Variants in VWA8 observed in about 807,000 individuals in gnomAD.
VWA8 encodes the protein von Willebrand factor A domain containing 8.
In VWA8, 221 loss-of-function variants were observed where a neutral mutation model predicts 241.5. That is an observed-to-expected ratio of 0.91 (90% CI 0.82 to 1.02). The LOEUF (loss-of-function observed/expected upper bound fraction) is 1.02, where lower values mean the gene tolerates loss of function less well. VWA8 is among the 50% of genes least tolerant of loss of function. The pLI is 0.00. For missense variants in VWA8, 2,322 were observed against 2,328.7 expected (o/e 1.00, Z 0.06); for synonymous variants, 852 against 827.1 (o/e 1.03, Z -0.52).
intron 16 of VWA8, among the ~76,000 whole-genome samples, chr13:41,812,536 G>A (rs1001662570): frequency 2.0e-5 from 3 of 152,086 alleles, no homozygotes; most frequent in Admixed American, 1.3e-4. Flanking sequence ...GAATGGATGA[G>A]GGGAGAATGT....
chr13:41,626,158 A>T (rs200825807), intron 37 of VWA8, among the ~76,000 whole-genome samples: 686 of 120,432 alleles, frequency 5.7e-3, no homozygotes, highest in South Asian at 0.012. Context: ...GGTGCAGCAC[A>T]CCAACATGGC....
At chr13:41,754,398 G>C (rs112839239) in intron 21 of VWA8, among the ~76,000 whole-genome samples, 3 of 152,154 alleles carry the variant, frequency 2.0e-5, no homozygotes, top group East Asian at 3.8e-4. Flanking sequence ...ACATGGAACT[G>C]TAAGTCCAAT....
At chr13:41,950,096 TAC>T in intron 1 of VWA8, 83 bp from the exon 2 acceptor site, 6 of 764,274 alleles carry the variant, frequency 7.9e-6, no homozygotes, top group Non-Finnish European at 1.2e-5. Context: ...TGTCCTGACC[TAC>T]AGAGAGGGAT....
At chr13:41,693,090 C>A (rs2045191005) in intron 29 of VWA8, 118 bp from the exon 30 acceptor site, 2 of 619,848 alleles carry the variant, frequency 3.2e-6, no homozygotes, top group Non-Finnish European at 5.4e-6. Context: ...AAAACAAAGA[C>A]AATATTGTAA....
intron 26 of VWA8, among the ~76,000 whole-genome samples, chr13:41,709,759 CTG>C (rs2045304433): frequency 1.3e-5 from 2 of 150,080 alleles, no homozygotes; most frequent in Non-Finnish European, 3.0e-5. Flanking sequence ...CTCTGTCTCT[CTG>C]TCTCTCTCTC....
At chr13:41,816,903 G>A in intron 15 of VWA8, 128 bp from the exon 16 acceptor site, 1 of 730,406 alleles carries the variant, frequency 1.4e-6, no homozygotes, top group African/African-American at 1.8e-5. Context: ...TTCATTGTTG[G>A]CTAAATGTTT....
At chr13:41,855,301 T>C (rs1041890018) in intron 12 of VWA8, among the ~76,000 whole-genome samples, 15 of 146,194 alleles carry the variant, frequency 1.0e-4, no homozygotes, top group Non-Finnish European at 2.2e-4. Context: ...ACCACGGGTT[T>C]AAATATATAT....
intron 16 of VWA8, among the ~76,000 whole-genome samples, chr13:41,815,617 C>A (rs1045814988): frequency 6.6e-6 from 1 of 152,224 alleles, no homozygotes; most frequent in African/African-American, 2.4e-5. Flanking sequence ...TCCCCTGGAG[C>A]CTCCGATGGA....
At chr13:41,581,381 T>C (rs1171451563) in intron 42 of VWA8, among the ~76,000 whole-genome samples, 1 of 152,186 alleles carries the variant, frequency 6.6e-6, no homozygotes, top group Non-Finnish European at 1.5e-5. Context: ...GAAATAATAA[T>C]CCAGTACATT....
At chr13:41,891,373 C>T in intron 5 of VWA8, 47 bp downstream of exon 5, 1 of 1,609,600 alleles carries the variant, frequency 6.2e-7, no homozygotes, top group Non-Finnish European at 8.5e-7. Context: ...ATGGCACTGC[C>T]CATAGCTTGA....
chr13:41,776,283 T>C (rs370151077), intron 20 of VWA8, among the ~76,000 whole-genome samples: 2 of 152,216 alleles, frequency 1.3e-5, no homozygotes, highest in African/African-American at 4.8e-5. Context: ...GTTTAACTTA[T>C]AAAGAGTTTG....
intron 2 of VWA8, among the ~76,000 whole-genome samples, chr13:41,930,209 T>G (rs1877039314): frequency 6.6e-6 from 1 of 152,140 alleles, no homozygotes; most frequent in African/African-American, 2.4e-5. Flanking sequence ...GCACGGCTAT[T>G]ATCAAAAAAT....
At position 41,581,114 on chromosome 13, in the gene VWA8, C is replaced by T. The variant is rs1323691483; in HGVS notation, c.5272-5276G>A. 5.5e-5 allele frequency among the ~76,000 whole-genome samples: 7 copies of T among 128,132 alleles called. 2 individuals are homozygous for T. The highest frequency in any genetic ancestry group is 7.7e-5 in the Non-Finnish European group (5 of 65,252). The allele number at this position is 128,132 out of a possible 152,430, so 84.1% of individuals were successfully genotyped here. On this transcript the variant is annotated intron_variant, in intron 42 of 44. Coordinates refer to ENST00000379310, the MANE Select transcript of VWA8 (RefSeq NM_015058.2). Reference sequence around the variant, plus strand: ...CCCTGGAGTTCACGCCATTCTCCTGCCTCAGCCTCCGGAGTAGCTGGGACT... The same window carrying T: ...CCCTGGAGTTCACGCCATTCTCCTGTCTCAGCCTCCGGAGTAGCTGGGACT...
intron 12 of VWA8, among the ~76,000 whole-genome samples, chr13:41,841,507 C>A (rs1871998489): frequency 6.6e-6 from 1 of 151,782 alleles, no homozygotes; most frequent in Non-Finnish European, 1.5e-5. Flanking sequence ...AAACAGTAGG[C>A]CGGGTGCGGT....
intron 2 of VWA8, among the ~76,000 whole-genome samples, chr13:41,919,074 A>T (rs1876391043): frequency 6.6e-6 from 1 of 152,190 alleles, no homozygotes; most frequent in African/African-American, 2.4e-5. Flanking sequence ...AAACAAATGA[A>T]AAAACGACAT....
intron 2 of VWA8, among the ~76,000 whole-genome samples, chr13:41,946,884 C>T (rs574127007): frequency 6.6e-6 from 1 of 152,274 alleles, no homozygotes; most frequent in African/African-American, 2.4e-5. Flanking sequence ...AGCAAAAGAA[C>T]GCCATTAAAA....
intron 26 of VWA8, among the ~76,000 whole-genome samples, chr13:41,713,429 T>C (rs1389068912): frequency 6.6e-6 from 1 of 152,192 alleles, no homozygotes; most frequent in Non-Finnish European, 1.5e-5. Context: ...AAATATTGGC[T>C]ATTATGGTCT....
chr13:41,623,893 T>C (rs556370488), intron 37 of VWA8, among the ~76,000 whole-genome samples: 67 of 151,926 alleles, frequency 4.4e-4, no homozygotes, highest in East Asian at 2.3e-3. Flanking sequence ...ATTTCTTTCA[T>C]AGGCATAAAA....
intron 2 of VWA8, among the ~76,000 whole-genome samples, chr13:41,920,330 A>G (rs1321678021): frequency 1.3e-5 from 2 of 152,060 alleles, no homozygotes; most frequent in Admixed American, 6.6e-5. Flanking sequence ...CCATGGTCAG[A>G]GCCACAGCTA....
Sources: allele counts gnomAD v4.1 joint callset (sites outside exome capture counted in the v4.1 genomes callset), GRCh38; gene constraint gnomAD v4.1.1; transcripts MANE v1.5; gene names NCBI Gene and HGNC (gene_info 2026-07-23, HGNC 2026-07-21).